Variants in TIMD4 observed in about 807,000 individuals in gnomAD.
TIMD4 encodes the protein T cell immunoglobulin and mucin domain containing 4, also known as T-cell immunoglobulin and mucin domain-containing protein 4.
TIMD4 carries 31 observed loss-of-function variants against 41.2 expected under a neutral mutation model. That is an observed-to-expected ratio of 0.75 (90% CI 0.57 to 1.01). TIMD4 has a LOEUF of 1.01. Ranked by LOEUF, TIMD4 falls within the 50% of genes least tolerant of loss-of-function variation. TIMD4 has a pLI of 0.00. For synonymous variants in TIMD4, 204 were observed against 177.1 expected, an observed-to-expected ratio of 1.15 and a Z score of -1.21; for missense variants, 479 against 472.5, an observed-to-expected ratio of 1.01 and a Z score of -0.13.
intron 7 of TIMD4, among the ~76,000 whole-genome samples, chr5:156,921,616 C>CAAAAAAAAAAAAAA (rs66842169): frequency 6.3e-5 from 3 of 47,270 alleles, no homozygotes; most frequent in Admixed American, 2.9e-4. Context: ...GAGACTCTCT[C>CAAAAAAAAAAAAAA]AAAAAAAAAA....
At chr5:156,923,624 G>A (rs1002589472) in intron 6 of TIMD4, among the ~76,000 whole-genome samples, 4 of 151,438 alleles carry the variant, frequency 2.6e-5, no homozygotes, top group Non-Finnish European at 4.4e-5. Flanking sequence ...CTGCAACCTT[G>A]AATTCCCGGG....
intron 5 of TIMD4, among the ~76,000 whole-genome samples, chr5:156,944,495 CTTTTTTTTTTT>C (rs5872492): frequency 7.5e-4 from 52 of 69,102 alleles, no homozygotes; most frequent in Non-Finnish European, 1.2e-3. Flanking sequence ...GCTGTGTGAT[CTTTTTTTTTTT>C]TTTTTTTTTT....
At chr5:156,951,376 T>G in intron 3 of TIMD4, 136 bp downstream of exon 3, 1 of 1,120,322 alleles carries the variant, frequency 8.9e-7, no homozygotes, top group Non-Finnish European at 1.3e-6. Flanking sequence ...CGGTGTTTGT[T>G]TGATAGGCCT....
At chr5:156,961,805 T>A (rs1324625382) in intron 1 of TIMD4, among the ~76,000 whole-genome samples, 2 of 13,192 alleles carry the variant, frequency 1.5e-4, no homozygotes, top group East Asian at 2.6e-3. Flanking sequence ...CGAGACTCCG[T>A]CTCAAAAAAA....
intron 1 of TIMD4, 109 bp downstream of exon 1, chr5:156,963,032 A>T: frequency 1.8e-6 from 2 of 1,100,632 alleles, no homozygotes. Context: ...AGGGATGCAG[A>T]AATGAAGTGA....
At chr5:156,960,388 T>C (rs574532953) in intron 1 of TIMD4, among the ~76,000 whole-genome samples, 1 of 151,476 alleles carries the variant, frequency 6.6e-6, no homozygotes, top group Non-Finnish European at 1.5e-5. Flanking sequence ...ATTCTGTAGA[T>C]TGTTTTTTTC....
intron 1 of TIMD4, among the ~76,000 whole-genome samples, chr5:156,962,579 G>A (rs1322553472): frequency 1.3e-5 from 2 of 152,076 alleles, no homozygotes; most frequent in Admixed American, 1.3e-4. Context: ...TGCCCGAGAC[G>A]CAGCTGCAGC....
chr5:156,933,504 G>A (rs1451441759), intron 5 of TIMD4, among the ~76,000 whole-genome samples: 1 of 143,184 alleles, frequency 7.0e-6, no homozygotes, highest in Admixed American at 7.4e-5. Context: ...AGTCCAAACT[G>A]TAACAGTGAT....
chr5:156,923,379 C>A (rs1759287235), intron 6 of TIMD4, among the ~76,000 whole-genome samples: 1 of 151,984 alleles, frequency 6.6e-6, no homozygotes, highest in African/African-American at 2.4e-5. Context: ...GAACTCCTGA[C>A]CTCAAGTGAT....
At chr5:156,951,360 A>T in intron 3 of TIMD4, 152 bp downstream of exon 3, 1 of 957,106 alleles carries the variant, frequency 1.0e-6, no homozygotes, top group South Asian at 1.7e-5. Flanking sequence ...TAAGCTACCC[A>T]GTCTGCGGTG....
intron 1 of TIMD4, among the ~76,000 whole-genome samples, chr5:156,957,462 G>A (rs1287445044): frequency 4.5e-5 from 6 of 134,136 alleles, no homozygotes; most frequent in East Asian, 2.4e-4. Flanking sequence ...GCAGTGAGGC[G>A]AGATTGTGCC....
intron 5 of TIMD4, among the ~76,000 whole-genome samples, chr5:156,931,452 T>C (rs550773633): frequency 5.9e-5 from 9 of 152,382 alleles, no homozygotes; most frequent in African/African-American, 2.2e-4. Flanking sequence ...GTGTGTATGA[T>C]GTATCTTAAA....
At chr5:156,941,737 C>T (rs1056446863) in intron 5 of TIMD4, among the ~76,000 whole-genome samples, 2 of 152,160 alleles carry the variant, frequency 1.3e-5, no homozygotes, top group East Asian at 1.9e-4. Flanking sequence ...AAGTGTGATC[C>T]CTTTAAAGAA....
chr5:156,938,565 G>A (rs6555762), intron 5 of TIMD4, among the ~76,000 whole-genome samples: 42,764 of 151,782 alleles, frequency 0.28, 6,263 homozygotes, highest in Admixed American at 0.35. Flanking sequence ...ACCTTCATTT[G>A]TTCTCTCCTC....
chr5:156,920,350 A>T, intron 8 of TIMD4, 114 bp downstream of exon 8: 1 of 1,183,414 alleles, frequency 8.5e-7, no homozygotes, highest in Non-Finnish European at 1.2e-6. Context: ...ACATCTTTCC[A>T]ACTCTATGTG....
At chr5:156,958,477 G>A (rs2113397589) in intron 1 of TIMD4, among the ~76,000 whole-genome samples, 1 of 152,180 alleles carries the variant, frequency 6.6e-6, no homozygotes, top group South Asian at 2.1e-4. Flanking sequence ...CATTAGACTG[G>A]GAAAAGCTTA....
intron 5 of TIMD4, among the ~76,000 whole-genome samples, chr5:156,941,637 T>C (rs565956772): frequency 2.0e-5 from 3 of 152,326 alleles, no homozygotes; most frequent in African/African-American, 7.2e-5. Flanking sequence ...TCTTCCATCT[T>C]TGGGCCCCAG....
At chr5:156,928,452 C>A (rs141641811) in intron 5 of TIMD4, among the ~76,000 whole-genome samples, 1 of 152,128 alleles carries the variant, frequency 6.6e-6, no homozygotes, top group Non-Finnish European at 1.5e-5. Flanking sequence ...AGAGCAGTAT[C>A]AGAAGCCGGG....
intron 5 of TIMD4, 63 bp downstream of exon 5, chr5:156,948,352 TA>T (rs1007546719): frequency 1.1e-4 from 97 of 917,378 alleles, no homozygotes; most frequent in Admixed American, 2.3e-4. Flanking sequence ...AGATTCTGTC[TA>T]AAAAAAATAA....
Sources: gnomAD v4.1 joint callset for allele counts (sites outside exome capture counted in the v4.1 genomes callset) on GRCh38, gnomAD v4.1.1 for gene constraint, MANE v1.5 for transcripts, NCBI Gene and HGNC (gene_info 2026-07-23, HGNC 2026-07-21) for gene names.